The following NRXN3 variants were observed in gnomAD, a reference collection of about 807,000 sequenced individuals.
The protein encoded by NRXN3 is neurexin III.
In NRXN3, 32 loss-of-function variants were observed where a neutral mutation model predicts 137.6. That is an observed-to-expected ratio of 0.23 (90% CI 0.18 to 0.31). NRXN3 has a LOEUF of 0.31. NRXN3 is among the 10% of genes least tolerant of loss of function. The pLI is 1.00. For missense variants in NRXN3, 1,574 were observed against 2,062.5 expected (o/e 0.76, Z 4.59); for synonymous variants, 798 against 784.5 (o/e 1.02, Z -0.29).
At chr14:78,558,172 G>T (rs2096756128) in intron 4 of NRXN3, among the ~76,000 whole-genome samples, 1 of 152,204 alleles carries the variant, frequency 6.6e-6, no homozygotes, top group Non-Finnish European at 1.5e-5. Flanking sequence ...CATTCTTCCA[G>T]ATTCATCCAG....
chr14:79,494,818 A>G (rs751296186), intron 16 of NRXN3, among the ~76,000 whole-genome samples: 2 of 152,184 alleles, frequency 1.3e-5, no homozygotes, highest in African/African-American at 4.8e-5. Context: ...GTACAATACA[A>G]TTTGCTCAGA....
intron 15 of NRXN3, among the ~76,000 whole-genome samples, chr14:79,400,116 A>G (rs982606626): frequency 7.2e-5 from 11 of 152,192 alleles, no homozygotes; most frequent in African/African-American, 2.4e-4. Flanking sequence ...AACTAATTGT[A>G]TCTACAACGA....
intron 6 of NRXN3, among the ~76,000 whole-genome samples, chr14:78,701,284 T>A (rs2098275881): frequency 6.6e-6 from 1 of 152,196 alleles, no homozygotes; most frequent in South Asian, 2.1e-4. Flanking sequence ...ACCTATAGGA[T>A]CATTTTCCTT....
chr14:78,894,560 CTT>C (rs1259412862), intron 10 of NRXN3, among the ~76,000 whole-genome samples: 1 of 151,876 alleles, frequency 6.6e-6, no homozygotes, highest in African/African-American at 2.4e-5. Context: ...AGATTGGAAT[CTT>C]TTCCAAACTC....
At chr14:78,838,280 T>A (rs2099002526) in intron 10 of NRXN3, among the ~76,000 whole-genome samples, 1 of 152,212 alleles carries the variant, frequency 6.6e-6, no homozygotes, top group Non-Finnish European at 1.5e-5. Context: ...AAATCTATGA[T>A]AAGATTAATT....
chr14:79,509,652 A>T (rs1428760804), intron 16 of NRXN3, among the ~76,000 whole-genome samples: 7 of 151,948 alleles, frequency 4.6e-5, no homozygotes, highest in Admixed American at 3.9e-4. Flanking sequence ...CCACTAAAAA[A>T]GATATGTGAA....
Position 78,323,698 on chromosome 14 carries a change from G to T in NRXN3, c.757+25838G>T, listed in dbSNP as rs57894347. ...ATCCTGTAGGCCCTCCCATCTGTACGAATATTCTCATGCCAAGGAAGTGCT... is the reference window on the plus strand; with the variant it reads ...ATCCTGTAGGCCCTCCCATCTGTACTAATATTCTCATGCCAAGGAAGTGCT... On this transcript the variant is annotated intron_variant, in intron 4 of 20. Coordinates refer to ENST00000335750, the MANE Select transcript of NRXN3 (RefSeq NM_001330195.2). 4.6e-5 allele frequency among the ~76,000 whole-genome samples: 7 copies of T among 151,850 alleles called. No homozygotes were observed. In the East Asian group the frequency reaches 1.4e-3, roughly 29 times the overall value.
intron 15 of NRXN3, among the ~76,000 whole-genome samples, chr14:79,230,487 C>T (rs983934811): frequency 2.0e-5 from 3 of 152,132 alleles, no homozygotes; most frequent in Non-Finnish European, 4.4e-5. Flanking sequence ...CATCAATCTA[C>T]CTTCTACCTT....
chr14:79,143,051 A>G (rs182835550), intron 15 of NRXN3, among the ~76,000 whole-genome samples: 1 of 152,272 alleles, frequency 6.6e-6, no homozygotes, highest in Non-Finnish European at 1.5e-5. Context: ...TTGTATCTTC[A>G]TATAAAAGCA....
At position 78,957,356 on chromosome 14, in the gene NRXN3, C is replaced by T; in HGVS notation, c.2390C>T (p.Ala797Val). Reference sequence around the variant, plus strand: ...AAGTTAACCGTGGATGATGATGTGGCTGAGGGTGAGTATGACTATGGTGAA... The same window carrying T: ...AAGTTAACCGTGGATGATGATGTGGTTGAGGGTGAGTATGACTATGGTGAA... ...SLKLTVDDDV[A>V]EGTMVGDHTR... is the part of the protein sequence containing the mutation. The change falls in exon 11 of 21, where the codon GCT becomes GTT. Residue 797 changes from alanine to valine, a missense_variant. Physicochemically the swap from Ala to Val is moderately conservative, Grantham distance 64 (BLOSUM62 0). This residue lies in a region of NRXN3 where 718 missense variants were observed against 887.6 expected (regional missense o/e 0.81). Transcript: ENST00000335750. 1 of 1,613,530 alleles carries T rather than the reference C, an allele frequency of 6.2e-7. No homozygotes were observed.
At chr14:79,617,932 A>AAAAAAAAAAAAAAAAT (rs1603176483) in intron 16 of NRXN3, among the ~76,000 whole-genome samples, 1 of 150,966 alleles carries the variant, frequency 6.6e-6, no homozygotes, top group African/African-American at 2.4e-5. Context: ...AAAAAAAAAA[A>AAAAAAAAAAAAAAAAT]CATGCTTATG....
chr14:78,748,831 C>T (rs184072615), intron 8 of NRXN3, among the ~76,000 whole-genome samples: 2 of 152,198 alleles, frequency 1.3e-5, no homozygotes, highest in East Asian at 3.9e-4. Context: ...GCCAGAGCAA[C>T]CATAACTATT....
intron 4 of NRXN3, among the ~76,000 whole-genome samples, chr14:78,569,225 T>C (rs1404623753): frequency 6.6e-6 from 1 of 151,164 alleles, no homozygotes; most frequent in Non-Finnish European, 1.5e-5. Flanking sequence ...CGCCTCGGCC[T>C]CCCAAAGTGC....
intron 16 of NRXN3, among the ~76,000 whole-genome samples, chr14:79,539,951 C>A (rs2153732359): frequency 6.6e-6 from 1 of 152,036 alleles, no homozygotes; most frequent in East Asian, 1.9e-4. Flanking sequence ...TTTTCTTCTC[C>A]CAAAGTTATG....
chr14:78,574,300 T>C (rs2096916263), intron 4 of NRXN3, among the ~76,000 whole-genome samples: 1 of 152,338 alleles, frequency 6.6e-6, no homozygotes, highest in African/African-American at 2.4e-5. Flanking sequence ...GGGCACTGCC[T>C]AGTGAAGCTG....
At chr14:78,933,661 A>G (rs2099328016) in intron 10 of NRXN3, among the ~76,000 whole-genome samples, 1 of 152,172 alleles carries the variant, frequency 6.6e-6, no homozygotes, top group South Asian at 2.1e-4. Flanking sequence ...AAATAGCTAG[A>G]TCTAACCATT....
intron 4 of NRXN3, among the ~76,000 whole-genome samples, chr14:78,415,946 G>A (rs1055642898): frequency 6.6e-6 from 1 of 151,864 alleles, no homozygotes; most frequent in Non-Finnish European, 1.5e-5. Flanking sequence ...AATGTTCATG[G>A]TCTAATCTCC....
chr14:78,172,631 C>T (rs1003916176), intron 1 of NRXN3, among the ~76,000 whole-genome samples: 7 of 151,914 alleles, frequency 4.6e-5, no homozygotes, highest in African/African-American at 7.3e-5. Flanking sequence ...GTTCATCCTG[C>T]GAGTCAGTCT....
intron 15 of NRXN3, among the ~76,000 whole-genome samples, chr14:79,461,198 G>A (rs75010670): frequency 6.6e-6 from 1 of 152,050 alleles, no homozygotes; most frequent in Non-Finnish European, 1.5e-5. Flanking sequence ...TTAGTCATTG[G>A]GACAGCTTTG....
Sources: allele counts gnomAD v4.1 joint callset (sites outside exome capture counted in the v4.1 genomes callset), GRCh38; gene constraint gnomAD v4.1.1; regional missense constraint gnomAD v4.1.1; transcripts MANE v1.5; gene names NCBI Gene and HGNC (gene_info 2026-07-23, HGNC 2026-07-21).